The following XKR4 variants were observed in gnomAD, a reference collection of about 807,000 sequenced individuals.
XKR4 encodes XK related 4.
Under a neutral mutation model 53.9 loss-of-function variants are expected in XKR4, and 12 were observed. The observed-to-expected ratio is 0.22, with a 90% CI of 0.14 to 0.36. XKR4 has a LOEUF of 0.36. Ranked by LOEUF, XKR4 falls within the 10% of genes least tolerant of loss-of-function variation. The probability of loss-of-function intolerance (pLI) is 1.00; values close to 1 mark genes in which losing one functional copy is unlikely to be tolerated. For synonymous variants in XKR4, 354 were observed against 362.4 expected (o/e 0.98, Z 0.26); for missense variants, 799 against 859.5 (o/e 0.93, Z 0.88).
At chr8:55,364,441 C>A (rs1803944704) in intron 2 of XKR4, among the ~76,000 whole-genome samples, 1 of 152,218 alleles carries the variant, frequency 6.6e-6, no homozygotes, top group South Asian at 2.1e-4. Flanking sequence ...GTAGCGTGTT[C>A]TCCCCGATGC....
intron 1 of XKR4, among the ~76,000 whole-genome samples, chr8:55,303,260 G>T (rs1039896047): frequency 1.3e-5 from 2 of 152,102 alleles, no homozygotes; most frequent in African/African-American, 4.8e-5. Flanking sequence ...ATAATCCTGT[G>T]GTTTTTGTCT....
chr8:55,217,835 A>C (rs1817827368), intron 1 of XKR4, among the ~76,000 whole-genome samples: 1 of 152,260 alleles, frequency 6.6e-6, no homozygotes, highest in African/African-American at 2.4e-5. Context: ...AATGGCAATA[A>C]AATCATAAAT....
At chr8:55,475,606 A>T (rs1805971645) in intron 2 of XKR4, among the ~76,000 whole-genome samples, 1 of 131,788 alleles carries the variant, frequency 7.6e-6, no homozygotes, top group South Asian at 2.3e-4. Flanking sequence ...TTATTTATTT[A>T]TTTATTTATT....
intron 1 of XKR4, among the ~76,000 whole-genome samples, chr8:55,231,619 T>C (rs1818042359): frequency 2.1e-5 from 3 of 144,384 alleles, no homozygotes; most frequent in Admixed American, 2.1e-4. Context: ...AAAGGGATGA[T>C]CGATCATATT....
chr8:55,345,535 G>A (rs1297703271), intron 1 of XKR4, among the ~76,000 whole-genome samples: 1 of 152,184 alleles, frequency 6.6e-6, no homozygotes, highest in Non-Finnish European at 1.5e-5. Flanking sequence ...TGTATGCAGA[G>A]AAACCTAAAG....
chr8:55,227,171 C>T (rs1585951910), intron 1 of XKR4, among the ~76,000 whole-genome samples: 1 of 152,324 alleles, frequency 6.6e-6, no homozygotes, highest in East Asian at 1.9e-4. Flanking sequence ...TTCTCATCTG[C>T]GTTGTTCCCT....
At chr8:55,370,812 G>A (rs1272160184) in intron 2 of XKR4, among the ~76,000 whole-genome samples, 1 of 152,052 alleles carries the variant, frequency 6.6e-6, no homozygotes, top group African/African-American at 2.4e-5. Flanking sequence ...AGCACTCCAG[G>A]GCACTTGCAC....
chr8:55,262,740 C>T (rs1818544893), intron 1 of XKR4, among the ~76,000 whole-genome samples: 2 of 152,170 alleles, frequency 1.3e-5, no homozygotes, highest in African/African-American at 4.8e-5. Context: ...TTTATTATTG[C>T]AGCCCAAGCT....
chr8:55,302,973 T>C (rs1222272665), intron 1 of XKR4, among the ~76,000 whole-genome samples: 4 of 152,228 alleles, frequency 2.6e-5, no homozygotes, highest in Non-Finnish European at 4.4e-5. Flanking sequence ...CTTTTCCTAA[T>C]TGAATACCCT....
chr8:55,303,113 G>C (rs1819229786), intron 1 of XKR4, among the ~76,000 whole-genome samples: 6 of 152,212 alleles, frequency 3.9e-5, no homozygotes, highest in Admixed American at 3.9e-4. Flanking sequence ...TGCCCATTCA[G>C]TATGATATTG....
At chr8:55,351,836 G>A (rs1247344018) in intron 1 of XKR4, among the ~76,000 whole-genome samples, 1 of 152,114 alleles carries the variant, frequency 6.6e-6, no homozygotes, top group East Asian at 1.9e-4. Context: ...AACCAACTTT[G>A]TTAAAATGCA....
rs969285803 is a variant in XKR4, at chr8:55,436,015, A to G, written c.1006+78138A>G. Among the ~76,000 whole-genome samples the G allele has an allele frequency of 3.9e-5, 6 of 152,232 alleles. No individual in the cohort carries two copies. The South Asian group carries it at 1.0e-3, about 26-fold the overall frequency. ...CAAACAAGCTGCCCTGTTGCAAATC[A>G]CCTTTCAGTACAGCATATTTTTTCT... On this transcript the variant is annotated intron_variant, in intron 2 of 2. Transcript: ENST00000327381.
chr8:55,257,760 G>A (rs1266904778), intron 1 of XKR4, among the ~76,000 whole-genome samples: 1 of 152,120 alleles, frequency 6.6e-6, no homozygotes, highest in Admixed American at 6.5e-5. Context: ...TCAAATAAAG[G>A]AAACACATTT....
intron 2 of XKR4, among the ~76,000 whole-genome samples, chr8:55,496,658 C>T (rs1806355333): frequency 6.6e-6 from 1 of 152,144 alleles, no homozygotes; most frequent in Non-Finnish European, 1.5e-5. Flanking sequence ...CTCCCAACTC[C>T]CCTGCAAAAA....
At chr8:55,368,216 A>T (rs976457480) in intron 2 of XKR4, among the ~76,000 whole-genome samples, 9 of 152,032 alleles carry the variant, frequency 5.9e-5, no homozygotes, top group African/African-American at 1.7e-4. Flanking sequence ...CCGCCTCCCA[A>T]AGTGCTGGGA....
chr8:55,454,499 A>G (rs1805524111), intron 2 of XKR4: 3 of 1,221,916 alleles, frequency 2.5e-6, no homozygotes, highest in African/African-American at 1.5e-5. Context: ...CAAAGACAGT[A>G]CGTTGGTGAT....
chr8:55,299,374 G>A (rs1819146916), intron 1 of XKR4, among the ~76,000 whole-genome samples: 1 of 152,190 alleles, frequency 6.6e-6, no homozygotes, highest in South Asian at 2.1e-4. Flanking sequence ...TTGTGGAATT[G>A]AAGGGCTGAG....
At chr8:55,515,897 G>A (rs772089735) in intron 2 of XKR4, among the ~76,000 whole-genome samples, 11 of 152,184 alleles carry the variant, frequency 7.2e-5, no homozygotes, top group Non-Finnish European at 1.2e-4. Context: ...GGAGATTTGA[G>A]ATGTCCCTGC....
intron 2 of XKR4, among the ~76,000 whole-genome samples, chr8:55,366,905 G>T (rs138360556): frequency 1.3e-5 from 2 of 151,988 alleles, no homozygotes; most frequent in Non-Finnish European, 2.9e-5. Context: ...ATGGACCCAC[G>T]CCACCACCCA....
Sources: allele counts gnomAD v4.1 joint callset (sites outside exome capture counted in the v4.1 genomes callset), GRCh38; gene constraint gnomAD v4.1.1; transcripts MANE v1.5; gene names NCBI Gene and HGNC (gene_info 2026-07-23, HGNC 2026-07-21).